Variants in ZC3H12C observed in about 807,000 individuals in gnomAD.
ZC3H12C encodes the protein zinc finger CCCH-type containing 12C.
In ZC3H12C, 20 loss-of-function variants were observed where a neutral mutation model predicts 76.3. That is an observed-to-expected ratio of 0.26 (90% CI 0.18 to 0.38). The LOEUF (loss-of-function observed/expected upper bound fraction) is 0.38. Ranked by LOEUF, ZC3H12C falls within the 10% of genes least tolerant of loss-of-function variation. The probability of loss-of-function intolerance (pLI) is 1.00; values close to 1 mark genes in which losing one functional copy is unlikely to be tolerated. For synonymous variants in ZC3H12C, 352 were observed against 399.6 expected (o/e 0.88, Z 1.42); for missense variants, 874 against 1,086.5 (o/e 0.80, Z 2.75).
At chr11:110,149,600 T>C (rs1372121136) in intron 2 of ZC3H12C, among the ~76,000 whole-genome samples, 2 of 152,230 alleles carry the variant, frequency 1.3e-5, no homozygotes, top group Non-Finnish European at 2.9e-5. Flanking sequence ...ATCTGATGGG[T>C]GTGAAGTAGT....
intron 1 of ZC3H12C, among the ~76,000 whole-genome samples, chr11:110,127,128 G>A (rs372617191): frequency 2.0e-5 from 3 of 152,272 alleles, no homozygotes; most frequent in South Asian, 4.1e-4. Context: ...AATGTCTAAC[G>A]CTTTCAACAG....
At chr11:110,131,392 T>G (rs1160787238) in intron 1 of ZC3H12C, 7 of 370,550 alleles carry the variant, frequency 1.9e-5, no homozygotes, top group Non-Finnish European at 3.4e-5. Flanking sequence ...CAAGTTATAA[T>G]AAATGTTCCG....
chr11:110,112,446 C>A (rs1356765874), intron 1 of ZC3H12C, among the ~76,000 whole-genome samples: 1 of 152,232 alleles, frequency 6.6e-6, no homozygotes, highest in Non-Finnish European at 1.5e-5. Flanking sequence ...CTGCCTCCGC[C>A]TCCCAAAGTG....
At chr11:110,131,160 A>G in intron 1 of ZC3H12C, 1 of 1,346,430 alleles carries the variant, frequency 7.4e-7, no homozygotes, top group Non-Finnish European at 1.0e-6. Context: ...CTAAATATTC[A>G]GAGTATTAAT....
At chr11:110,129,867 G>A (rs759192627) in intron 1 of ZC3H12C, among the ~76,000 whole-genome samples, 11 of 151,622 alleles carry the variant, frequency 7.3e-5, no homozygotes, top group East Asian at 1.9e-4. Context: ...TATAACTTAC[G>A]CAGCCCACAA....
chr11:110,141,235 T>C (rs914980537), intron 2 of ZC3H12C, among the ~76,000 whole-genome samples: 4 of 152,154 alleles, frequency 2.6e-5, no homozygotes, highest in Non-Finnish European at 5.9e-5. Flanking sequence ...ATAGATTATA[T>C]AGAGTCAGAA....
chr11:110,119,117 G>A (rs1312939062), intron 1 of ZC3H12C, among the ~76,000 whole-genome samples: 1 of 152,158 alleles, frequency 6.6e-6, no homozygotes, highest in Non-Finnish European at 1.5e-5. Flanking sequence ...CAAATCTACA[G>A]TTATTAACAT....
rs1432495265 is a variant in ZC3H12C at position 110,164,708 on chromosome 11, C to T, written c.1623C>T (p.Gly541=). 1 of 1,613,996 alleles carries T rather than the reference C, an allele frequency of 6.2e-7. No individual in the cohort carries two copies. The highest frequency in any genetic ancestry group is 2.2e-5 in the East Asian group (1 of 44,892). ...KPQSTTSLSN[G]LPSGVHFPPQ... ...AAAGCACTACATCTTTAAGCAATGG[C>T]CTTCCATCTGGAGTTCATTTCCCAC... Residue 541 remains glycine, a synonymous_variant, in exon 6 of 6, where the codon GGC becomes GGT. Transcript: ENST00000278590. The surrounding 1 kb of genome is among the most constrained non-coding windows in gnomAD (Gnocchi z 5.7).
intron 1 of ZC3H12C, among the ~76,000 whole-genome samples, chr11:110,112,261 C>A (rs1426451728): frequency 6.6e-6 from 1 of 152,156 alleles, no homozygotes; most frequent in African/African-American, 2.4e-5. Flanking sequence ...TGCCGTGGCA[C>A]TATCTTGGCT....
intron 1 of ZC3H12C, among the ~76,000 whole-genome samples, chr11:110,127,091 G>T (rs1482784544): frequency 6.6e-6 from 1 of 152,138 alleles, no homozygotes; most frequent in Non-Finnish European, 1.5e-5. Flanking sequence ...AAGTGGCATG[G>T]TTTCATGGAC....
At chr11:110,101,315 T>C (rs941261350) in intron 1 of ZC3H12C, among the ~76,000 whole-genome samples, 3 of 152,182 alleles carry the variant, frequency 2.0e-5, no homozygotes, top group African/African-American at 4.8e-5. Flanking sequence ...CTAGCCAAGA[T>C]AATTGATGAA....
chr11:110,151,172 T>C (rs1266663376), intron 2 of ZC3H12C, among the ~76,000 whole-genome samples: 1 of 152,226 alleles, frequency 6.6e-6, no homozygotes, highest in Non-Finnish European at 1.5e-5. Context: ...CTATGGAATC[T>C]TTATCCCATA....
Position 110,163,334 on chromosome 11 carries a change from A to G in ZC3H12C, c.1210A>G (p.Lys404Glu). ...CCCCAGTCTGGATAATTTTCTGAGG[A>G]AGAAACCTATTGTTCCTGAACACAA... Reference protein sequence around the residue: ...HGPSLDNFLRKKPIVPEHKKQ... With the variant: ...HGPSLDNFLREKPIVPEHKKQ... Residue 404 changes from lysine (K) to glutamate (E), a missense_variant, in exon 5 of 6, where the codon AAG (lysine) becomes GAG (glutamate). Physicochemically the swap from Lys to Glu is moderately conservative, Grantham distance 56. This residue lies in a region of ZC3H12C where 269 missense variants were observed against 424.9 expected (regional missense o/e 0.63). Transcript: ENST00000278590. 6.2e-7 allele frequency: 1 copy of G among 1,613,118 alleles called. No homozygotes were observed. Among genetic ancestry groups the G allele is most frequent in the Non-Finnish European group, 8.5e-7 (1 of 1,179,592 alleles).
intron 1 of ZC3H12C, among the ~76,000 whole-genome samples, chr11:110,093,806 G>A (rs1034199929): frequency 6.6e-6 from 1 of 152,108 alleles, no homozygotes; most frequent in South Asian, 2.1e-4. Context: ...GGATGGAAAC[G>A]GACACACTGC....
At chr11:110,160,178 C>A (rs1463029375) in intron 4 of ZC3H12C, among the ~76,000 whole-genome samples, 1 of 152,162 alleles carries the variant, frequency 6.6e-6, no homozygotes, top group Non-Finnish European at 1.5e-5. Context: ...AGGGCACTTA[C>A]CATGAATGGG....
At position 110,116,694 on chromosome 11, in the gene ZC3H12C, C is replaced by T. The variant is rs547107238; in HGVS notation, c.22-19969C>T. Among the ~76,000 whole-genome samples the T allele has an allele frequency of 2.0e-4, 30 of 152,210 alleles. No homozygotes were observed. In the South Asian group the frequency reaches 3.7e-3, roughly 19 times the overall value. ...AAACTTTTTTAAAGACACACCTCAC[C>T]ATTTACTATGTGACAATCACTGTTA... On this transcript the variant is annotated intron_variant, in intron 1 of 5. Transcript: ENST00000278590.
At chr11:110,139,818 T>C (rs540244772) in intron 2 of ZC3H12C, among the ~76,000 whole-genome samples, 2 of 152,040 alleles carry the variant, frequency 1.3e-5, no homozygotes, top group Admixed American at 6.6e-5. Flanking sequence ...TTGTAGAATA[T>C]AGAATTAGTC....
intron 4 of ZC3H12C, among the ~76,000 whole-genome samples, chr11:110,161,852 C>A (rs1862486865): frequency 6.6e-6 from 1 of 152,062 alleles, no homozygotes; most frequent in Non-Finnish European, 1.5e-5. Flanking sequence ...AGAATTATGC[C>A]AGGTGTGGTG....
chr11:110,165,022 G>A lies in ZC3H12C; in HGVS notation c.1937G>A (p.Arg646Gln), dbSNP rs779988811. ...GACTCCTACGTGGGTTACAATGACCGGTCCTATGTCAGCTCCCCCGACCCA... is the reference window on the plus strand; with the variant it reads ...GACTCCTACGTGGGTTACAATGACCAGTCCTATGTCAGCTCCCCCGACCCA... Reference protein sequence around the residue: ...SSDSYVGYNDRSYVSSPDPQL... With the variant: ...SSDSYVGYNDQSYVSSPDPQL... The change falls in exon 6 of 6, where the codon CGG (arginine) becomes CAG (glutamine). Residue 646 changes from arginine (R) to glutamine (Q), a missense_variant. This residue lies in a region of ZC3H12C where 395 missense variants were observed against 434.4 expected (regional missense o/e 0.91). Transcript: ENST00000278590. 1.8e-5 allele frequency: 29 copies of A among 1,613,812 alleles called. No individual in the cohort carries two copies. The highest frequency in any genetic ancestry group is 8.0e-5 in the African/African-American group (6 of 74,924).
Sources: allele counts gnomAD v4.1 joint callset (sites outside exome capture counted in the v4.1 genomes callset), GRCh38; gene constraint gnomAD v4.1.1; regional missense constraint gnomAD v4.1.1; non-coding constraint Gnocchi (gnomAD v3.1); transcripts MANE v1.5; gene names NCBI Gene and HGNC (gene_info 2026-07-23, HGNC 2026-07-21).